GAS5: variants seen among roughly 807,000 people sequenced by gnomAD.
GAS5 encodes the protein growth arrest specific 5 (non-protein coding).
intron 2 of GAS5, chr1:173,866,703 C>A: frequency 1.3e-6 from 1 of 765,336 alleles, no homozygotes. Flanking sequence ...AATAAACTGT[C>A]ATCATTGTGG....
upstream of GAS5, chr1:173,868,886 T>A (rs1400760354): frequency 6.5e-6 from 1 of 152,774 alleles, no homozygotes; most frequent in Non-Finnish European, 1.5e-5. Flanking sequence ...AGTGCTGGAG[T>A]GGCCAACCCC....
chr1:173,867,700 C>T (rs763008326), upstream of GAS5: 1 of 519,124 alleles, frequency 1.9e-6, no homozygotes, highest in South Asian at 1.4e-5. Context: ...TGGCATTCAT[C>T]ATTACTCTCA....
At chr1:173,866,990 C>G in intron 1 of GAS5, 1 of 765,482 alleles carries the variant, frequency 1.3e-6, no homozygotes. Context: ...CCAATTCTTA[C>G]CTGTCCATAA....
chr1:173,864,966 C>A, intron 6 of GAS5: 1 of 508,752 alleles, frequency 2.0e-6, no homozygotes, highest in South Asian at 1.4e-5. Context: ...CGCCTGTAAT[C>A]CCAGCACTTT....
intron 6 of GAS5, chr1:173,864,571 A>T: frequency 7.9e-6 from 3 of 382,054 alleles, no homozygotes; most frequent in South Asian, 5.8e-5. Flanking sequence ...TCTCAGTCAC[A>T]TTTTAACTTT....
At chr1:173,865,510 C>T (rs1002649601) in exon 6 of GAS5, 4 of 509,190 alleles carry the variant, frequency 7.9e-6, no homozygotes, top group Non-Finnish European at 1.6e-5. Context: ...ATGTCCTTAC[C>T]CAAGCAAGTC....
At chr1:173,864,778 T>C (rs957038266) in intron 6 of GAS5, 12 of 517,266 alleles carry the variant, frequency 2.3e-5, no homozygotes, top group Admixed American at 1.2e-4. Flanking sequence ...CCAAACATTA[T>C]AGAATGGCTA....
intron 7 of GAS5, chr1:173,864,110 A>G (rs1557868132): frequency 3.9e-6 from 2 of 511,570 alleles, no homozygotes; most frequent in Non-Finnish European, 7.9e-6. Context: ...TTTTAGCCAC[A>G]TTTACAGACT....
At chr1:173,867,341 G>GA (rs1654905202), upstream of GAS5, 1 of 396,828 alleles carries the variant, frequency 2.5e-6, no homozygotes, top group African/African-American at 2.0e-5. Flanking sequence ...CCAACATGGT[G>GA]AAACCCCGTC....
intron 6 of GAS5, chr1:173,864,943 G>A (rs1396747392): frequency 3.9e-6 from 2 of 514,840 alleles, no homozygotes; most frequent in Admixed American, 1.9e-5. Context: ...TTGAGGCGGG[G>A]CATGGTGGCT....
chr1:173,867,812 C>T, upstream of GAS5: 2 of 516,882 alleles, frequency 3.9e-6, no homozygotes, highest in South Asian at 2.8e-5. Context: ...CACGCATGCA[C>T]CATATGTGCA....
At chr1:173,868,569 C>T (rs1406422155), upstream of GAS5, among the ~76,000 whole-genome samples, 1 of 152,218 alleles carries the variant, frequency 6.6e-6, no homozygotes, top group Non-Finnish European at 1.5e-5. Context: ...CCCTTGGCCC[C>T]CGGCCGGGCT....
intron 7 of GAS5, chr1:173,864,241 C>A (rs770928391): frequency 1.9e-6 from 1 of 515,412 alleles, no homozygotes; most frequent in South Asian, 1.4e-5. Context: ...ATAGTCCCAA[C>A]ATTTCCAATC....
chr1:173,867,109 T>A (rs1572029332), upstream of GAS5: 1 of 611,192 alleles, frequency 1.6e-6, no homozygotes, highest in Non-Finnish European at 2.9e-6. Flanking sequence ...GAGTGTTCTT[T>A]AAAAAAACGG....
intron 2 of GAS5, chr1:173,866,613 T>TC: frequency 1.3e-6 from 1 of 763,950 alleles, no homozygotes; most frequent in Admixed American, 1.7e-5. Flanking sequence ...CTCTCTATGT[T>TC]CCCCAACTCA....
chr1:173,864,721 A>G (rs1341968939), intron 6 of GAS5: 1 of 480,822 alleles, frequency 2.1e-6, no homozygotes, highest in Non-Finnish European at 4.2e-6. Flanking sequence ...TTAAGGGACA[A>G]TACACAGTAA....
At chr1:173,867,064 T>C (rs185310879), upstream of GAS5, 28 of 691,538 alleles carry the variant, frequency 4.0e-5, no homozygotes, top group Admixed American at 6.5e-4. Context: ...CAGGTACAGA[T>C]TTTAATTCAT....
chr1:173,866,007 C>T (rs765865942), intron 4 of GAS5: 9 of 519,084 alleles, frequency 1.7e-5, no homozygotes, highest in Non-Finnish European at 3.5e-5. Flanking sequence ...GTTCAGTCAG[C>T]ATTTGCTTAT....
upstream of GAS5, chr1:173,867,334 A>G (rs558647854): frequency 1.8e-4 from 74 of 407,480 alleles, no homozygotes; most frequent in African/African-American, 1.4e-3. Flanking sequence ...AGTCTCGCCA[A>G]CATGGTGAAA....
Sources: allele counts gnomAD v4.1 joint callset (sites outside exome capture counted in the v4.1 genomes callset), GRCh38; gene constraint gnomAD v4.1.1; transcripts MANE v1.5; gene names NCBI Gene and HGNC (gene_info 2026-07-23, HGNC 2026-07-21).